TMEM178B: variants seen among roughly 807,000 people sequenced by gnomAD.
TMEM178B encodes the protein transmembrane protein 178B.
In TMEM178B, 5 loss-of-function variants were observed where a neutral mutation model predicts 31.0. The ratio of observed to expected loss-of-function variants is 0.16; its 90% confidence interval spans 0.08 to 0.34. TMEM178B has a LOEUF of 0.34. TMEM178B is among the 10% of genes least tolerant of loss of function. The pLI, the probability that TMEM178B is intolerant of heterozygous loss-of-function variation, is 1.00. For synonymous variants in TMEM178B, 164 were observed against 164.0 expected (o/e 1.00, Z 0.00); for missense variants, 275 against 400.3 (o/e 0.69, Z 2.67).
chr7:141,403,778 G>C (rs991630831), intron 2 of TMEM178B, among the ~76,000 whole-genome samples: 1 of 152,194 alleles, frequency 6.6e-6, no homozygotes, highest in African/African-American at 2.4e-5. Flanking sequence ...TAATACCCAA[G>C]GAGGGAAGTG....
intron 1 of TMEM178B, among the ~76,000 whole-genome samples, chr7:141,105,765 T>C (rs910053719): frequency 6.6e-6 from 1 of 152,120 alleles, no homozygotes; most frequent in African/African-American, 2.4e-5. Flanking sequence ...AAGGTTCACA[T>C]AATTCAAAAG....
At chr7:141,362,741 A>T (rs2116549748) in intron 2 of TMEM178B, among the ~76,000 whole-genome samples, 1 of 152,318 alleles carries the variant, frequency 6.6e-6, no homozygotes, top group East Asian at 1.9e-4. Flanking sequence ...CTAATTGGGA[A>T]AGCATCTGTG....
chr7:141,379,010 A>G (rs1157449576), intron 2 of TMEM178B, among the ~76,000 whole-genome samples: 1 of 152,132 alleles, frequency 6.6e-6, no homozygotes, highest in African/African-American at 2.4e-5. Flanking sequence ...CCTCAGAAAC[A>G]TCCTCTGCTT....
intron 1 of TMEM178B, among the ~76,000 whole-genome samples, chr7:141,083,347 C>G (rs1293359201): frequency 1.3e-5 from 2 of 151,902 alleles, no homozygotes; most frequent in African/African-American, 2.4e-5. Context: ...TCTATAAACT[C>G]CAAGCCCTTT....
chr7:141,510,740 G>T, the TMEM178B span, among the ~76,000 whole-genome samples: 1 of 138,254 alleles, frequency 7.2e-6, no homozygotes, highest in Admixed American at 7.9e-5. Context: ...CTCAGAAAGT[G>T]CTTGGTGGAT....
intron 2 of TMEM178B, among the ~76,000 whole-genome samples, chr7:141,237,853 G>A (rs1325719419): frequency 1.4e-4 from 22 of 151,856 alleles, no homozygotes; most frequent in African/African-American, 4.4e-4. Flanking sequence ...GCGAAACCCC[G>A]TCTCTACCAA....
intron 2 of TMEM178B, among the ~76,000 whole-genome samples, chr7:141,335,536 T>C (rs1404590180): frequency 1.3e-5 from 2 of 152,138 alleles, no homozygotes; most frequent in East Asian, 3.9e-4. Flanking sequence ...AGGCAACAGC[T>C]GAGAGGACCA....
chr7:141,096,183 T>C (rs1794958264), intron 1 of TMEM178B, among the ~76,000 whole-genome samples: 1 of 152,218 alleles, frequency 6.6e-6, no homozygotes, highest in Admixed American at 6.5e-5. Context: ...TACACTATGC[T>C]TTAAATTGCA....
At chr7:141,280,178 G>C (rs1415082822) in intron 2 of TMEM178B, among the ~76,000 whole-genome samples, 1 of 152,192 alleles carries the variant, frequency 6.6e-6, no homozygotes, top group Non-Finnish European at 1.5e-5. Context: ...CTCCCTGCTG[G>C]CTTAGACCAG....
At position 141,468,551 on chromosome 7, in the gene TMEM178B, G is replaced by T. The variant is rs150233241; in HGVS notation, c.635-1985G>T. 9.5e-4 allele frequency among the ~76,000 whole-genome samples: 145 copies of T among 152,288 alleles called. 1 individual carries two copies. Among genetic ancestry groups the T allele is most frequent in the African/African-American group, 3.3e-3 (139 of 41,560 alleles). On this transcript the variant is annotated intron_variant, in intron 3 of 3. Coordinates refer to ENST00000565468, the MANE Select transcript of TMEM178B (RefSeq NM_001195278.2). ...TAGGCAAATGACTTAAGCTCTCTGG[G>T]CGTCAATGTCCTTATCAGTAAAATG...
chr7:141,250,604 G>T (rs1422072551), intron 2 of TMEM178B, among the ~76,000 whole-genome samples: 1 of 152,214 alleles, frequency 6.6e-6, no homozygotes, highest in Admixed American at 6.5e-5. Flanking sequence ...GAGCTAAGTG[G>T]GGGCTCTGTG....
At chr7:141,190,044 C>T (rs894990407) in intron 1 of TMEM178B, among the ~76,000 whole-genome samples, 1 of 152,178 alleles carries the variant, frequency 6.6e-6, no homozygotes, top group Non-Finnish European at 1.5e-5. Flanking sequence ...AAAAAATAGG[C>T]AATACATTCA....
At chr7:141,182,711 G>A (rs902441904) in intron 1 of TMEM178B, among the ~76,000 whole-genome samples, 9 of 152,296 alleles carry the variant, frequency 5.9e-5, no homozygotes, top group Admixed American at 2.0e-4. Context: ...TAATTGAATC[G>A]TGGGGCGGTT....
intron 2 of TMEM178B, among the ~76,000 whole-genome samples, chr7:141,361,046 A>T (rs1285893329): frequency 6.6e-6 from 1 of 152,186 alleles, no homozygotes; most frequent in Non-Finnish European, 1.5e-5. Flanking sequence ...AGACAGAAGA[A>T]AAGGTCAAAA....
At chr7:141,388,033 C>T (rs1490070140) in intron 2 of TMEM178B, among the ~76,000 whole-genome samples, 2 of 152,200 alleles carry the variant, frequency 1.3e-5, no homozygotes, top group Non-Finnish European at 2.9e-5. Context: ...TCAGCAGATT[C>T]TGGGGTGTGT....
chr7:141,274,755 G>A (rs1563138364), intron 2 of TMEM178B, among the ~76,000 whole-genome samples: 1 of 152,196 alleles, frequency 6.6e-6, no homozygotes, highest in Non-Finnish European at 1.5e-5. Flanking sequence ...GGAGGGTGAG[G>A]TCTGCATGGG....
intron 2 of TMEM178B, among the ~76,000 whole-genome samples, chr7:141,229,813 G>A (rs1209592279): frequency 6.6e-6 from 1 of 151,948 alleles, no homozygotes; most frequent in Non-Finnish European, 1.5e-5. Flanking sequence ...GGTGTTTGAG[G>A]CTGCTGTGAT....
intron 1 of TMEM178B, among the ~76,000 whole-genome samples, chr7:141,189,682 G>C (rs1199498451): frequency 2.0e-5 from 3 of 152,374 alleles, no homozygotes; most frequent in Non-Finnish European, 2.9e-5. Flanking sequence ...GGCAGTGACA[G>C]AGCTGGCTCC....
intron 1 of TMEM178B, among the ~76,000 whole-genome samples, chr7:141,201,763 A>G (rs1796881058): frequency 6.6e-6 from 1 of 152,182 alleles, no homozygotes; most frequent in African/African-American, 2.4e-5. Context: ...CTGAGGAGCT[A>G]TCTTCTCTCC....
Sources: gnomAD v4.1 joint callset for allele counts (sites outside exome capture counted in the v4.1 genomes callset) on GRCh38, gnomAD v4.1.1 for gene constraint, MANE v1.5 for transcripts, NCBI Gene and HGNC (gene_info 2026-07-23, HGNC 2026-07-21) for gene names.